PTPRD: variants seen among roughly 807,000 people sequenced by gnomAD.
PTPRD encodes protein tyrosine phosphatase receptor type D, also known as receptor-type tyrosine-protein phosphatase delta.
A neutral mutation model predicts 214.5 loss-of-function variants in PTPRD; 34 were observed. The observed-to-expected ratio is 0.16, with a 90% CI of 0.12 to 0.21. The LOEUF (loss-of-function observed/expected upper bound fraction) is 0.21, where lower values mean the gene tolerates loss of function less well. Among genes scored for constraint, PTPRD ranks in the 10% least tolerant of loss-of-function variants. The pLI is 1.00. For synonymous variants in PTPRD, 1,128 were observed against 845.7 expected, an observed-to-expected ratio of 1.33 and a Z score of -5.79; for missense variants, 2,545 against 2,398.7, an observed-to-expected ratio of 1.06 and a Z score of -1.27.
At chr9:8,727,962 T>C (rs2098604253) in intron 12 of PTPRD, among the ~76,000 whole-genome samples, 1 of 152,236 alleles carries the variant, frequency 6.6e-6, no homozygotes, top group Admixed American at 6.5e-5. Context: ...AAGAACATTT[T>C]TGAGGCCAGG....
At position 8,539,402 on chromosome 9, in the gene PTPRD, A is replaced by G. The variant is rs529595778; in HGVS notation, c.353-10623T>C. On this transcript the variant is annotated intron_variant, in intron 14 of 45. Coordinates refer to ENST00000381196, the MANE Select transcript of PTPRD (RefSeq NM_002839.4). Reference sequence around the variant, plus strand: ...TATTAATTTAGAAAATAATGCTCCCATTTACATGATTTTGCTGTATTCTAA... The same window carrying G: ...TATTAATTTAGAAAATAATGCTCCCGTTTACATGATTTTGCTGTATTCTAA... Among the ~76,000 whole-genome samples the G allele has an allele frequency of 2.0e-5, 3 of 152,126 alleles. No individual in the cohort carries two copies. The East Asian group carries it at 5.8e-4, about 29-fold the overall frequency.
At chr9:9,980,535 G>C (rs187281878) in intron 4 of PTPRD, among the ~76,000 whole-genome samples, 1 of 142,270 alleles carries the variant, frequency 7.0e-6, no homozygotes, top group African/African-American at 2.6e-5. Flanking sequence ...TTGAACCCGG[G>C]GGGGCAAAGG....
At chr9:9,505,898 A>G (rs2096559263) in intron 8 of PTPRD, among the ~76,000 whole-genome samples, 1 of 151,498 alleles carries the variant, frequency 6.6e-6, no homozygotes, top group Non-Finnish European at 1.5e-5. Flanking sequence ...GTGACGGGAC[A>G]ATCACCAATA....
At chr9:8,810,158 T>C (rs2096772514) in intron 11 of PTPRD, among the ~76,000 whole-genome samples, 1 of 152,208 alleles carries the variant, frequency 6.6e-6, no homozygotes, top group African/African-American at 2.4e-5. Flanking sequence ...TTTTTTGTAA[T>C]TGATGGAAAG....
intron 3 of PTPRD, among the ~76,000 whole-genome samples, chr9:10,150,299 G>C (rs1164889481): frequency 6.6e-6 from 1 of 152,072 alleles, no homozygotes; most frequent in Non-Finnish European, 1.5e-5. Context: ...AAGAAAGTGT[G>C]GCACATACAC....
intron 3 of PTPRD, among the ~76,000 whole-genome samples, chr9:10,123,634 T>C (rs974935312): frequency 1.1e-4 from 16 of 152,126 alleles, no homozygotes; most frequent in African/African-American, 3.9e-4. Context: ...TTTTAAAAGA[T>C]GAGGGAAAAA....
chr9:9,588,920 G>T (rs1200306165), intron 7 of PTPRD, among the ~76,000 whole-genome samples: 1 of 151,872 alleles, frequency 6.6e-6, no homozygotes, highest in Admixed American at 6.6e-5. Flanking sequence ...GAGAAACTGT[G>T]ACTTAGAACA....
chr9:10,449,868 A>G (rs1229291305), intron 2 of PTPRD, among the ~76,000 whole-genome samples: 5 of 151,964 alleles, frequency 3.3e-5, no homozygotes, highest in African/African-American at 4.9e-5. Flanking sequence ...AGAAGTAGAC[A>G]TAGGAGACTC....
chr9:8,826,818 G>A (rs1032743460), intron 11 of PTPRD, among the ~76,000 whole-genome samples: 1 of 152,080 alleles, frequency 6.6e-6, no homozygotes, highest in South Asian at 2.1e-4. Flanking sequence ...TTAAAATTTA[G>A]AGCCTTGCGT....
rs1287366528 is a variant in PTPRD at position 8,485,775 on chromosome 9, C to G, written c.3042G>C (p.Leu1014=). 6.2e-7 allele frequency: 1 copy of G among 1,611,420 alleles called. No homozygotes were observed. Among genetic ancestry groups the G allele is most frequent in the Non-Finnish European group, 8.5e-7 (1 of 1,178,968 alleles). Residue 1014 remains leucine (L), a synonymous_variant, in exon 28 of 46, where the codon CTG becomes CTC. Transcript: ENST00000381196. ...GACAAATCCTACCTTGATCCACAGG[C>G]AGTGTCCTGAACTGGACACTGGGAC... ...PYSPSVQFRT[L]PVDQVFAKNF...
chr9:9,826,413 T>C (rs746893899), intron 5 of PTPRD, among the ~76,000 whole-genome samples: 2 of 152,000 alleles, frequency 1.3e-5, no homozygotes, highest in Non-Finnish European at 2.9e-5. Flanking sequence ...AAATACAATT[T>C]TGAAGTATTT....
chr9:9,607,115 A>G (rs1190939315), intron 7 of PTPRD, among the ~76,000 whole-genome samples: 1 of 151,930 alleles, frequency 6.6e-6, no homozygotes, highest in Non-Finnish European at 1.5e-5. Context: ...TTAGGTTTAC[A>G]CAGACTGAAT....
rs112172555 is a variant in PTPRD, at chr9:9,048,569, G to A, written c.-142-29834C>T. On this transcript the variant is annotated intron_variant, in intron 10 of 45. Transcript: ENST00000381196. ...AGCCAGACACAGAAAGACTAACATC[G>A]TATGTTCTCACTTATTTGTGGGACC... 4.8e-3 allele frequency among the ~76,000 whole-genome samples: 723 copies of A among 152,202 alleles called. 7 individuals carry two copies. The highest frequency in any genetic ancestry group is 0.023 in the East Asian group (121 of 5,170).
At chr9:9,270,999 G>A (rs868022376) in intron 9 of PTPRD, among the ~76,000 whole-genome samples, 1 of 151,322 alleles carries the variant, frequency 6.6e-6, no homozygotes, top group African/African-American at 2.4e-5. Flanking sequence ...AGCTTTGAGG[G>A]TTGGGGATAA....
intron 5 of PTPRD, among the ~76,000 whole-genome samples, chr9:9,886,651 G>A (rs2071041266): frequency 6.6e-6 from 1 of 152,120 alleles, no homozygotes; most frequent in African/African-American, 2.4e-5. Flanking sequence ...TTGAATCTGG[G>A]CAGGAATGGG....
intron 14 of PTPRD, among the ~76,000 whole-genome samples, chr9:8,623,996 T>C (rs1415074918): frequency 6.6e-6 from 1 of 151,984 alleles, no homozygotes; most frequent in East Asian, 1.9e-4. Context: ...AAAATATATC[T>C]AATGTTACAT....
intron 5 of PTPRD, among the ~76,000 whole-genome samples, chr9:9,844,534 C>T (rs1401472757): frequency 6.6e-6 from 1 of 151,396 alleles, no homozygotes; most frequent in African/African-American, 2.4e-5. Flanking sequence ...ATATTAAATT[C>T]CAAGTAAATA....
intron 12 of PTPRD, among the ~76,000 whole-genome samples, chr9:8,663,554 G>T (rs534656027): frequency 6.6e-6 from 1 of 151,972 alleles, no homozygotes. Context: ...GCAGTGGTGC[G>T]ATCTTGGCTC....
chr9:10,553,282 G>A (rs990426591), intron 2 of PTPRD, among the ~76,000 whole-genome samples: 4 of 151,862 alleles, frequency 2.6e-5, no homozygotes, highest in Admixed American at 6.6e-5. Context: ...CACCTAGAAG[G>A]CTGAAACTTT....
Sources: allele counts gnomAD v4.1 joint callset (sites outside exome capture counted in the v4.1 genomes callset), GRCh38; gene constraint gnomAD v4.1.1; transcripts MANE v1.5; gene names NCBI Gene and HGNC (gene_info 2026-07-23, HGNC 2026-07-21).